Variants in NINL observed in about 807,000 individuals in gnomAD.
The protein encoded by NINL is ninein like.
A neutral mutation model predicts 160.3 loss-of-function variants in NINL; 153 were observed. The ratio of observed to expected loss-of-function variants is 0.95; its 90% CI spans 0.84 to 1.09. The LOEUF (loss-of-function observed/expected upper bound fraction) is 1.09. NINL is among the 50% of genes least tolerant of loss of function. The pLI is 0.00. For synonymous variants in NINL, 800 were observed against 734.8 expected (o/e 1.09, Z -1.43); for missense variants, 1,829 against 1,764.0 (o/e 1.04, Z -0.66).
Position 25,500,840 on chromosome 20 carries a change from C to A in NINL, c.1032G>T (p.Gln344His). ...EGIQNGREIL[Q>H]SLDFSVDEKV... is the part of the protein sequence containing the mutation. ...GCTTAGGCATCACCCAGTTCCAAAC[C>A]TGCAAGATCTCCCTGCCATTCTGAA... Residue 344 changes from glutamine (Q) to histidine (H), a missense_variant and splice_region_variant, in exon 8 of 24, where the codon CAG (glutamine) becomes CAT (histidine). Coordinates refer to ENST00000278886, the MANE Select transcript of NINL (RefSeq NM_025176.6). 1 of 1,613,202 alleles carries A rather than the reference C, an allele frequency of 6.2e-7. No homozygotes were observed. The highest frequency in any genetic ancestry group is 1.7e-5 in the Admixed American group (1 of 59,958).
intron 2 of NINL, among the ~76,000 whole-genome samples, chr20:25,518,270 C>T (rs1288458501): frequency 6.6e-6 from 1 of 152,198 alleles, no homozygotes; most frequent in Non-Finnish European, 1.5e-5. Flanking sequence ...TTCTAGACCT[C>T]ATTTGCATGC....
At chr20:25,500,408 A>G (rs572090610) in intron 8 of NINL, among the ~76,000 whole-genome samples, 1 of 152,184 alleles carries the variant, frequency 6.6e-6, no homozygotes, top group African/African-American at 2.4e-5. Flanking sequence ...GCCATGGGGG[A>G]GAACAGCTCA....
chr20:25,561,270 C>A (rs1004783098), intron 1 of NINL, among the ~76,000 whole-genome samples: 1 of 152,152 alleles, frequency 6.6e-6, no homozygotes, highest in African/African-American at 2.4e-5. Flanking sequence ...AGCTCCTAAG[C>A]GCGAGTGATC....
chr20:25,493,569 T>A (rs1481488880), intron 10 of NINL, among the ~76,000 whole-genome samples: 1 of 152,108 alleles, frequency 6.6e-6, no homozygotes, highest in Non-Finnish European at 1.5e-5. Flanking sequence ...GCTGGCCTCA[T>A]GTGCGCTCCG....
At chr20:25,486,170 T>G (rs1033985303) in intron 13 of NINL, among the ~76,000 whole-genome samples, 1 of 152,248 alleles carries the variant, frequency 6.6e-6, no homozygotes, top group African/African-American at 2.4e-5. Context: ...TAGTTTTGTT[T>G]GTAACTATGA....
intron 1 of NINL, among the ~76,000 whole-genome samples, chr20:25,558,113 C>T (rs2064890361): frequency 6.6e-6 from 1 of 152,098 alleles, no homozygotes; most frequent in South Asian, 2.1e-4. Flanking sequence ...TACACTATAG[C>T]CTGGGTGAAA....
chr20:25,580,290 C>T (rs557171830), intron 1 of NINL, among the ~76,000 whole-genome samples: 19 of 151,592 alleles, frequency 1.3e-4, no homozygotes, highest in South Asian at 2.1e-4. Flanking sequence ...GCCAAGATTG[C>T]GCCATGGCAC....
intron 1 of NINL, among the ~76,000 whole-genome samples, chr20:25,577,332 C>T (rs2065126201): frequency 6.6e-6 from 1 of 152,194 alleles, no homozygotes; most frequent in African/African-American, 2.4e-5. Flanking sequence ...TGTTGGAGAC[C>T]TGGCACGCTA....
At position 25,501,607 on chromosome 20, in the gene NINL, G is replaced by A. The variant is rs542856632; in HGVS notation, c.862-597C>T. On this transcript the variant is annotated intron_variant, in intron 7 of 23. Transcript: ENST00000278886. ...CCAACCCACACTAAGCATGACCTGT[G>A]GGACCTCATGTTGATCATTCTGGCC... is the stretch of plus-strand genomic sequence containing the variant. Among the ~76,000 whole-genome samples the A allele has an allele frequency of 2.0e-5, 3 of 152,270 alleles. No individual in the cohort carries two copies. In the South Asian group the frequency reaches 6.2e-4, roughly 32 times the overall value.
intron 1 of NINL, among the ~76,000 whole-genome samples, chr20:25,565,915 A>T (rs1229159029): frequency 6.6e-6 from 1 of 152,014 alleles, no homozygotes; most frequent in Non-Finnish European, 1.5e-5. Context: ...GGACTCCAGG[A>T]CTTACACTGG....
At chr20:25,543,281 G>A (rs1468931732) in intron 1 of NINL, among the ~76,000 whole-genome samples, 2 of 151,962 alleles carry the variant, frequency 1.3e-5, no homozygotes. Flanking sequence ...CGGGTGTGGT[G>A]ACTCATGCCT....
At chr20:25,490,156 C>T (rs1433187880) in intron 11 of NINL, among the ~76,000 whole-genome samples, 171 bp from the exon 12 acceptor site, 1 of 152,242 alleles carries the variant, frequency 6.6e-6, no homozygotes, top group Admixed American at 6.5e-5. Context: ...GGATGTCCCC[C>T]ACCCTCCCAG....
chr20:25,474,787 G>A (rs892336422), intron 17 of NINL, among the ~76,000 whole-genome samples: 1 of 150,172 alleles, frequency 6.7e-6, no homozygotes, highest in African/African-American at 2.4e-5. Flanking sequence ...GCTAATTTTT[G>A]TATTTTTTTT....
At chr20:25,524,904 A>AATATATAT (rs35820142) in intron 2 of NINL, among the ~76,000 whole-genome samples, 69 of 145,448 alleles carry the variant, frequency 4.7e-4, no homozygotes, top group Non-Finnish European at 9.8e-4. Context: ...CTCAAATTAA[A>AATATATAT]ATATATATAT....
intron 10 of NINL, among the ~76,000 whole-genome samples, chr20:25,496,400 C>A (rs1272226725): frequency 6.6e-6 from 1 of 152,200 alleles, no homozygotes; most frequent in Non-Finnish European, 1.5e-5. Flanking sequence ...AAGAGCCCAG[C>A]AAAGCGAGGG....
intron 15 of NINL, 125 bp downstream of exon 15, chr20:25,480,035 AG>A: frequency 1.4e-6 from 1 of 700,350 alleles, no homozygotes; most frequent in Non-Finnish European, 2.5e-6. Flanking sequence ...TCCTCCCCAA[AG>A]GGGCTCACAA....
chr20:25,555,351 T>G (rs1390998573), intron 1 of NINL, among the ~76,000 whole-genome samples: 1 of 152,214 alleles, frequency 6.6e-6, no homozygotes, highest in Admixed American at 6.5e-5. Context: ...ACAATTTTGA[T>G]GGATATAGCC....
chr20:25,472,324 G>GAGATAT (rs1491225365), intron 17 of NINL, among the ~76,000 whole-genome samples: 54 of 83,954 alleles, frequency 6.4e-4, no homozygotes, highest in Middle Eastern at 8.8e-3. Flanking sequence ...GGGAGGAGAG[G>GAGATAT]ATATATATAT....
chr20:25,550,152 AG>A (rs2064788795), intron 1 of NINL, among the ~76,000 whole-genome samples: 1 of 152,242 alleles, frequency 6.6e-6, no homozygotes, highest in South Asian at 2.1e-4. Flanking sequence ...AAGCTGCTGT[AG>A]GAAGACCACC....
Sources: allele counts gnomAD v4.1 joint callset (sites outside exome capture counted in the v4.1 genomes callset), GRCh38; gene constraint gnomAD v4.1.1; transcripts MANE v1.5; gene names NCBI Gene and HGNC (gene_info 2026-07-23, HGNC 2026-07-21).